KRT84: variants seen among roughly 807,000 people sequenced by gnomAD.
The protein encoded by KRT84 is keratin, type II cuticular Hb4.
Under a neutral mutation model 49.0 loss-of-function variants are expected in KRT84, and 38 were observed. That is an observed-to-expected ratio of 0.78 (90% CI 0.60 to 1.02). The LOEUF is 1.02. Ranked by LOEUF, KRT84 falls within the 50% of genes least tolerant of loss-of-function variation. The pLI is 0.00. For synonymous variants in KRT84, 334 were observed against 312.8 expected, an observed-to-expected ratio of 1.07 and a Z score of -0.72; for missense variants, 860 against 788.6, an observed-to-expected ratio of 1.09 and a Z score of -1.08.
chr12:52,380,483 T>TGCAG lies in KRT84; in HGVS notation c.1300_1303dup (p.Gln435ProfsTer45), dbSNP rs1565774778. 1 of 1,613,848 alleles carries TGCAG rather than the reference T, an allele frequency of 6.2e-7. No individual in the cohort carries two copies. Among genetic ancestry groups the TGCAG allele is most frequent in the African/African-American group, 1.3e-5 (1 of 74,942 alleles). ...CCGCGCCATGTCCTGCTTGGCCTGC[T>TGCAG]GCAGGGCACACTCCAGATCTGCCAG... On this transcript the variant is annotated frameshift_variant, in exon 7 of 9. Transcript: ENST00000257951. LOFTEE classifies it high-confidence loss of function.
chr12:52,382,945 G>T (rs1445237667), intron 3 of KRT84, 60 bp downstream of exon 3: 2 of 1,452,554 alleles, frequency 1.4e-6, no homozygotes, highest in Non-Finnish European at 1.9e-6. Flanking sequence ...TTCCTGGGGA[G>T]TCTTGAGAAC....
At position 52,382,420 on chromosome 12, in the gene KRT84, A is replaced by G; in HGVS notation, c.912+17T>C. On this transcript the variant is annotated intron_variant, in intron 4 of 8. Transcript: ENST00000257951. The stretch of plus-strand genomic sequence containing the variant: ...GCATTGATCTCCTTGGGTGCCCTAG[A>G]GAAGATGAACCCTCACCTCCATGTA... 6.4e-7 allele frequency: 1 copy of G among 1,573,616 alleles called. No homozygotes were observed. The highest frequency in any genetic ancestry group is 8.7e-7 in the Non-Finnish European group (1 of 1,143,008).
intron 3 of KRT84, among the ~76,000 whole-genome samples, chr12:52,382,800 C>T (rs192230456): frequency 3.5e-4 from 53 of 152,336 alleles, no homozygotes; most frequent in Non-Finnish European, 6.3e-4. Context: ...TACCTCTGCT[C>T]ACATGTGACC....
chr12:52,386,957 C>T (rs190479111), upstream of KRT84, among the ~76,000 whole-genome samples: 740 of 152,170 alleles, frequency 4.9e-3, 8 homozygotes, highest in African/African-American at 0.015. Context: ...CTCATTTGTG[C>T]GGTATTTTCT....
In KRT84 at chr12:52,381,545, A is replaced by T. The variant is rs757527297; in HGVS notation, c.913-20T>A. 6.2e-7 allele frequency: 1 copy of T among 1,611,930 alleles called. No individual in the cohort carries two copies. The highest frequency in any genetic ancestry group is 1.7e-5 in the Admixed American group (1 of 59,978). The stretch of plus-strand genomic sequence containing the variant: ...GATTTCCTGTGTTGGAGGATTGGGG[A>T]GACAGATGTGCTTAGAGTCTCATTT... On this transcript the variant is annotated intron_variant, in intron 4 of 8. Transcript: ENST00000257951.
chr12:52,384,883 C>A (rs913167195), intron 1 of KRT84, among the ~76,000 whole-genome samples, 157 bp downstream of exon 1: 3 of 152,132 alleles, frequency 2.0e-5, no homozygotes, highest in Non-Finnish European at 2.9e-5. Context: ...GCAGAGCAAC[C>A]CATAAAGCAT....
In KRT84 at chr12:52,385,151, G is replaced by T; in HGVS notation, c.435C>A (p.Ser145Arg). Reference protein sequence around the residue: ...PSITAVTVNKSLLTPLNLEID... With the variant: ...PSITAVTVNKRLLTPLNLEID... Reference sequence around the variant, plus strand: ...TCTCCAGGTTGAGGGGGGTCAGTAGGCTCTTGTTCACAGTCACAGCTGTGA... The same window carrying T: ...TCTCCAGGTTGAGGGGGGTCAGTAGTCTCTTGTTCACAGTCACAGCTGTGA... The change falls in exon 1 of 9, where the codon AGC (serine) becomes AGA (arginine). Residue 145 changes from serine to arginine, a missense_variant. Ser to Arg is a moderately radical substitution (Grantham distance 110, BLOSUM62 -1). Transcript: ENST00000257951. 6.2e-7 allele frequency: 1 copy of T among 1,600,046 alleles called. No individual in the cohort carries two copies. Among genetic ancestry groups the T allele is most frequent in the Non-Finnish European group, 8.5e-7 (1 of 1,172,096 alleles).
chr12:52,383,974 T>A (rs1238381656), intron 1 of KRT84, among the ~76,000 whole-genome samples, 176 bp from the exon 2 acceptor site: 1 of 152,212 alleles, frequency 6.6e-6, no homozygotes, highest in Non-Finnish European at 1.5e-5. Context: ...TGTGACTCCC[T>A]CCTTGTGCTC....
chr12:52,381,521 A>T lies in KRT84; in HGVS notation c.917T>A (p.Ile306Asn). The T allele has an allele frequency of 6.2e-7, 1 of 1,613,864 alleles. No individual in the cohort carries two copies. The highest frequency in any genetic ancestry group is 8.5e-7 in the Non-Finnish European group (1 of 1,179,938). ...DFLKTLYMEE[I>N]QLLQSHISET... is the part of the protein sequence containing the mutation. The stretch of plus-strand genomic sequence containing the variant: ...TGAGATGTGCGACTGCAGCAACTGG[A>T]TTTCCTGTGTTGGAGGATTGGGGAG... Residue 306 changes from isoleucine (I) to asparagine (N), a missense_variant, in exon 5 of 9, where the codon ATC becomes AAC. Ile to Asn is a moderately radical substitution (Grantham distance 149). Transcript: ENST00000257951.
At chr12:52,379,790 C>T (rs1255050115) in intron 8 of KRT84, 86 bp downstream of exon 8, 25 of 1,111,806 alleles carry the variant, frequency 2.2e-5, no homozygotes, top group Middle Eastern at 1.9e-4. Flanking sequence ...CCATGTCGGA[C>T]GCCTCCTGAC....
intron 4 of KRT84, among the ~76,000 whole-genome samples, chr12:52,382,038 G>A (rs2121437883): frequency 6.6e-6 from 1 of 152,264 alleles, no homozygotes; most frequent in Admixed American, 6.5e-5. Context: ...GCTCTGGCTG[G>A]GCCTATACCA....
At chr12:52,384,936 G>C (rs1051216395) in intron 1 of KRT84, 104 bp downstream of exon 1, 1 of 1,224,450 alleles carries the variant, frequency 8.2e-7, no homozygotes, top group African/African-American at 1.5e-5. Context: ...CTGAGGTCAA[G>C]GTCAAGTCCC....
rs372984157 is a variant in KRT84 at position 52,380,459 on chromosome 12, C to T, written c.1328G>A (p.Arg443Gln). 9.3e-6 allele frequency: 15 copies of T among 1,614,096 alleles called. No individual in the cohort carries two copies. The highest frequency in any genetic ancestry group is 5.3e-5 in the African/African-American group (4 of 74,956). Residue 443 changes from arginine (R) to glutamine (Q), a missense_variant, in exon 7 of 9, where the codon CGG becomes CAG. By Grantham distance (43) the Arg-to-Gln change is conservative. Transcript: ENST00000257951. ...CAGCTCCTGGTACTCGCACAGCTGC[C>T]GCGCCATGTCCTGCTTGGCCTGCTG... ...ALQQAKQDMARQLCEYQELMN... is the reference protein window; with the variant it reads ...ALQQAKQDMAQQLCEYQELMN...
chr12:52,382,407 T>C (rs767153029), intron 4 of KRT84, 30 bp downstream of exon 4: 1 of 1,477,150 alleles, frequency 6.8e-7, no homozygotes, highest in Non-Finnish European at 9.5e-7. Flanking sequence ...ATTGATCTCC[T>C]TGGGTGCCCT....
chr12:52,380,769 T>A (rs1939468540), intron 6 of KRT84, among the ~76,000 whole-genome samples, 186 bp from the exon 7 acceptor site: 1 of 152,228 alleles, frequency 6.6e-6, no homozygotes, highest in Non-Finnish European at 1.5e-5. Flanking sequence ...AGGGCATTGC[T>A]GTTGTTTCCA....
At chr12:52,383,159 G>A (rs1015676068) in intron 2 of KRT84, 94 bp from the exon 3 acceptor site, 15 of 989,196 alleles carry the variant, frequency 1.5e-5, no homozygotes, top group African/African-American at 9.6e-5. Context: ...CTCTCAGTCT[G>A]TGCAGGATCA....
Position 52,382,549 on chromosome 12 carries a change from A to C in KRT84, c.817-17T>G. The stretch of plus-strand genomic sequence containing the variant: ...ATCCACATCCTGTATAAAACAGAGA[A>C]GGATAAATACTCATCGCCTGGGCAC... On this transcript the variant is annotated splice_polypyrimidine_tract_variant and intron_variant, in intron 3 of 8. Coordinates refer to ENST00000257951, the MANE Select transcript of KRT84 (RefSeq NM_033045.4). 1 of 1,598,344 alleles carries C rather than the reference A, an allele frequency of 6.3e-7. No individual in the cohort carries two copies. The highest frequency in any genetic ancestry group is 8.6e-7 in the Non-Finnish European group (1 of 1,165,694).
At chr12:52,382,225 A>G (rs1385299188) in intron 4 of KRT84, among the ~76,000 whole-genome samples, 3 of 152,218 alleles carry the variant, frequency 2.0e-5, no homozygotes, top group Non-Finnish European at 2.9e-5. Flanking sequence ...TCATAGATCC[A>G]AGGAGTTTGA....
chr12:52,380,665 T>C, intron 6 of KRT84, 82 bp from the exon 7 acceptor site: 1 of 1,382,818 alleles, frequency 7.2e-7, no homozygotes, highest in Non-Finnish European at 9.7e-7. Flanking sequence ...CCCCTCTTAG[T>C]GGGAACATAG....
Sources: gnomAD v4.1 joint callset for allele counts (sites outside exome capture counted in the v4.1 genomes callset) on GRCh38, gnomAD v4.1.1 for gene constraint, MANE v1.5 for transcripts, NCBI Gene and HGNC (gene_info 2026-07-23, HGNC 2026-07-21) for gene names.